The following KLHL8 variants were observed in gnomAD, a reference collection of about 807,000 sequenced individuals.
The protein encoded by KLHL8 is kelch like family member 8.
In KLHL8, 38 loss-of-function variants were observed where a neutral mutation model predicts 63.5. The ratio of observed to expected loss-of-function variants is 0.60; its 90% CI spans 0.46 to 0.78. KLHL8 has a LOEUF of 0.78. Among genes scored for constraint, KLHL8 ranks in the 30% least tolerant of loss-of-function variants. The pLI, the probability that KLHL8 is intolerant of heterozygous loss-of-function variation, is 0.00. For synonymous variants in KLHL8, 224 were observed against 254.3 expected, an observed-to-expected ratio of 0.88 and a Z score of 1.13; for missense variants, 566 against 752.4, an observed-to-expected ratio of 0.75 and a Z score of 2.90.
intron 6 of KLHL8, among the ~76,000 whole-genome samples, chr4:87,176,231 G>A (rs1421627061): frequency 6.6e-6 from 1 of 152,182 alleles, no homozygotes; most frequent in African/African-American, 2.4e-5. Flanking sequence ...CTTTGCCACT[G>A]GCACTTGGGA....
Position 87,170,564 on chromosome 4 carries a change from C to G in KLHL8, c.1260G>C (p.Gly420=). ...SLGGPIYAIG[G]LDDNTCFNDV... ...CATTGAAGCAAGTATTGTCATCTAA[C>G]CCTCCAATTGCATAAATTGGGCCTC... Residue 420 remains glycine (G), a synonymous_variant, in exon 7 of 10, where the codon GGG becomes GGC. Transcript: ENST00000273963. The G allele has an allele frequency of 1.2e-6, 2 of 1,613,986 alleles. No individual in the cohort carries two copies. The highest frequency in any genetic ancestry group is 4.5e-5 in the East Asian group (2 of 44,868).
intron 1 of KLHL8, among the ~76,000 whole-genome samples, chr4:87,205,012 T>G (rs1464989790): frequency 6.6e-6 from 1 of 152,224 alleles, no homozygotes; most frequent in Admixed American, 6.5e-5. Flanking sequence ...AAAAAAAGAT[T>G]GTTGCATTCC....
At chr4:87,212,683 A>G (rs1732448469) in intron 1 of KLHL8, among the ~76,000 whole-genome samples, 3 of 152,224 alleles carry the variant, frequency 2.0e-5, no homozygotes, top group Non-Finnish European at 4.4e-5. Context: ...ATGGTGACCA[A>G]TGCATAGATG....
At position 87,164,157 on chromosome 4, in the gene KLHL8, C is replaced by T. The variant is rs115839991; in HGVS notation, c.1538-78G>A. ...CTAAATTTCAATTCAATGGCTTTTACAACCCAATCTTTTAAAATCATTTTA... is the reference window on the plus strand; with the variant it reads ...CTAAATTTCAATTCAATGGCTTTTATAACCCAATCTTTTAAAATCATTTTA... On this transcript the variant is annotated intron_variant, in intron 8 of 9. Coordinates refer to ENST00000273963, the MANE Select transcript of KLHL8 (RefSeq NM_020803.5). 1.7e-3 allele frequency: 2,203 copies of T among 1,268,912 alleles called. 4 individuals carry two copies. The highest frequency in any genetic ancestry group is 2.3e-3 in the Non-Finnish European group (2,025 of 898,558). 78.6% of individuals were successfully genotyped at this position (1,268,912 alleles called of 1,614,324 possible).
rs202164401 is a variant in KLHL8 at position 87,237,945 on chromosome 4, AT to A, written n.57+2312del. On this transcript the variant is annotated intron_variant and non_coding_transcript_variant, in intron 1 of 1. Transcript: ENST00000506274. The stretch of plus-strand genomic sequence containing the variant: ...TGTTAATGTGTTTTAGTGTTATATC[AT>A]TTTTTTTAAGACGGAGTCTTGCTGT... Among the ~76,000 whole-genome samples, 7 of 151,414 alleles carry A rather than the reference AT, an allele frequency of 4.6e-5. No individual in the cohort carries two copies. In the South Asian group the frequency reaches 1.3e-3, roughly 27 times the overall value.
chr4:87,168,755 TG>T (rs1730512814), intron 8 of KLHL8, among the ~76,000 whole-genome samples: 3 of 145,238 alleles, frequency 2.1e-5, no homozygotes. Flanking sequence ...CGTGTATATA[TG>T]TGTGTGTATA....
intron 8 of KLHL8, among the ~76,000 whole-genome samples, chr4:87,164,961 A>G (rs954481817): frequency 6.6e-6 from 1 of 152,016 alleles, no homozygotes; most frequent in African/African-American, 2.4e-5. Flanking sequence ...ATCCTGGCTA[A>G]CACGGTGAAA....
intron 1 of KLHL8, among the ~76,000 whole-genome samples, chr4:87,203,180 T>C (rs948544630): frequency 2.0e-5 from 3 of 152,142 alleles, no homozygotes; most frequent in African/African-American, 4.8e-5. Context: ...GCACACATAA[T>C]TGTCTATGTA....
intron 1 of KLHL8, chr4:87,240,230 A>G (rs1733304323): frequency 6.6e-6 from 1 of 152,224 alleles, no homozygotes; most frequent in Non-Finnish European, 1.5e-5. Flanking sequence ...GAATCGTTAG[A>G]TAATCAAACC....
chr4:87,207,608 T>C, intron 1 of KLHL8: 1 of 1,232,562 alleles, frequency 8.1e-7, no homozygotes, highest in Non-Finnish European at 1.2e-6. Flanking sequence ...GAAGGACTCA[T>C]GACTACAGTC....
At chr4:87,207,116 T>G in intron 1 of KLHL8, 1 of 526,010 alleles carries the variant, frequency 1.9e-6, no homozygotes, top group African/African-American at 1.9e-5. Flanking sequence ...AGTCAACGGA[T>G]TTGGTCGTAT....
At chr4:87,191,316 A>G (rs570286259) in intron 2 of KLHL8, among the ~76,000 whole-genome samples, 15 of 152,204 alleles carry the variant, frequency 9.9e-5, no homozygotes, top group African/African-American at 3.4e-4. Context: ...AAAAAGTGCA[A>G]AAATTAACTG....
intron 1 of KLHL8, chr4:87,219,952 G>A (rs894841128): frequency 2.7e-5 from 4 of 150,606 alleles, no homozygotes; most frequent in Non-Finnish European, 6.0e-5. Flanking sequence ...CGCGGCTCCA[G>A]GGGGCGTCCG....
chr4:87,184,788 G>A (rs1223973691), intron 3 of KLHL8, among the ~76,000 whole-genome samples: 1 of 151,884 alleles, frequency 6.6e-6, no homozygotes, highest in Non-Finnish European at 1.5e-5. Flanking sequence ...GTCAAACTAC[G>A]GTGAGAGAAG....
intron 8 of KLHL8, chr4:87,166,905 A>T (rs1335372568): frequency 1.8e-5 from 3 of 164,964 alleles, no homozygotes. Context: ...CCTGGGGACC[A>T]GCAGGGCAGC....
chr4:87,202,295 T>G (rs1338779947), intron 1 of KLHL8, among the ~76,000 whole-genome samples: 1 of 152,064 alleles, frequency 6.6e-6, no homozygotes, highest in Admixed American at 6.5e-5. Context: ...GATCAACATA[T>G]TTTTAGTAGA....
chr4:87,169,716 T>C (rs1393084712), intron 8 of KLHL8, among the ~76,000 whole-genome samples: 1 of 151,878 alleles, frequency 6.6e-6, no homozygotes, highest in African/African-American at 2.4e-5. Flanking sequence ...AGAAAAAAAC[T>C]GGCTGGGTGT....
At chr4:87,224,119 T>A (rs953071320), upstream of KLHL8, among the ~76,000 whole-genome samples, 4 of 152,124 alleles carry the variant, frequency 2.6e-5, no homozygotes, top group African/African-American at 9.7e-5. Flanking sequence ...TGGAGTGCAA[T>A]GGCACGATCT....
rs1730206619 is a variant in KLHL8, at chr4:87,162,331, T to C, written c.*1188A>G. The stretch of plus-strand genomic sequence containing the variant: ...AAACTTTGAAGAGCTGTTAAATCTG[T>C]AGGTCCATCAATATCCTGGCTTCAA... On this transcript the variant is annotated 3_prime_UTR_variant, in exon 10 of 10. Transcript: ENST00000273963. 1 of 152,216 alleles carries C rather than the reference T, an allele frequency of 6.6e-6. No homozygotes were observed. The highest frequency in any genetic ancestry group is 1.5e-5 in the Non-Finnish European group (1 of 68,040). 9.4% of individuals were successfully genotyped at this position (152,216 alleles called of 1,614,324 possible).
Sources: gnomAD v4.1 joint callset for allele counts (sites outside exome capture counted in the v4.1 genomes callset) on GRCh38, gnomAD v4.1.1 for gene constraint, MANE v1.5 for transcripts, NCBI Gene and HGNC (gene_info 2026-07-23, HGNC 2026-07-21) for gene names.